RBFOX1: variants seen among roughly 807,000 people sequenced by gnomAD.
The protein encoded by RBFOX1 is RNA binding protein fox-1 homolog 1.
In RBFOX1, 8 loss-of-function variants were observed where a neutral mutation model predicts 57.7. That is an observed-to-expected ratio of 0.14 (90% confidence interval 0.08 to 0.25). RBFOX1 has a LOEUF of 0.25. Ranked by LOEUF, RBFOX1 falls within the 10% of genes least tolerant of loss-of-function variation. The pLI, the probability that RBFOX1 is intolerant of heterozygous loss-of-function variation, is 1.00. For missense variants in RBFOX1, 611 were observed against 548.5 expected (o/e 1.11, Z -1.14); for synonymous variants, 326 against 222.4 (o/e 1.47, Z -4.15).
intron 4 of RBFOX1, chr16:7,126,554 C>T (rs116980831): frequency 2.8e-4 from 59 of 212,168 alleles, no homozygotes; most frequent in East Asian, 3.4e-4. Flanking sequence ...TTTGGGCACG[C>T]GCTGGGCACA....
intron 1 of RBFOX1, among the ~76,000 whole-genome samples, chr16:6,216,222 C>G (rs1022544325): frequency 6.6e-6 from 1 of 151,930 alleles, no homozygotes; most frequent in Non-Finnish European, 1.5e-5. Context: ...TGAACAACAA[C>G]CCCCCATGAC....
At chr16:7,065,760 C>A (rs564607531) in intron 4 of RBFOX1, among the ~76,000 whole-genome samples, 1 of 152,132 alleles carries the variant, frequency 6.6e-6, no homozygotes, top group Non-Finnish European at 1.5e-5. Flanking sequence ...ACTCATTCCT[C>A]CTGTCTAAGT....
intron 1 of RBFOX1, among the ~76,000 whole-genome samples, chr16:6,182,335 A>G (rs2097069969): frequency 6.6e-6 from 1 of 152,178 alleles, no homozygotes; most frequent in Non-Finnish European, 1.5e-5. Flanking sequence ...TTGCTTCTTA[A>G]TTGACATAAA....
At chr16:6,608,133 C>A (rs2097972740) in intron 2 of RBFOX1, among the ~76,000 whole-genome samples, 1 of 152,192 alleles carries the variant, frequency 6.6e-6, no homozygotes, top group Non-Finnish European at 1.5e-5. Context: ...AATACTATTT[C>A]ATTGATTACT....
rs150331703 is a variant in RBFOX1 at position 7,080,688 on chromosome 16, G to A, written c.27+28590G>A. Among the ~76,000 whole-genome samples the A allele has an allele frequency of 2.8e-3, 420 of 152,254 alleles. 1 individual carries two copies. Among genetic ancestry groups the A allele is most frequent in the African/African-American group, 9.5e-3 (396 of 41,550 alleles). On this transcript the variant is annotated intron_variant, in intron 4 of 15. Coordinates refer to ENST00000550418, the MANE Select transcript of RBFOX1 (RefSeq NM_018723.4). ...GCCATTTTGGGATTGGCTGCCATAT[G>A]AACCCTGGGTGTTAGGGTATGCTTC...
intron 1 of RBFOX1, among the ~76,000 whole-genome samples, chr16:6,216,559 A>C (rs72776404): frequency 0.034 from 5,165 of 152,354 alleles, 125 homozygotes; most frequent in Middle Eastern, 0.061. Flanking sequence ...CACAAGCCAC[A>C]GCTTCAGCCT....
intron 4 of RBFOX1, among the ~76,000 whole-genome samples, chr16:5,885,932 G>T (rs1228235478): frequency 1.3e-5 from 2 of 152,164 alleles, no homozygotes; most frequent in Non-Finnish European, 2.9e-5. Flanking sequence ...GGAGGGTCCA[G>T]GTGGGAGGTG....
At chr16:6,971,455 C>T (rs931164598) in intron 3 of RBFOX1, among the ~76,000 whole-genome samples, 2 of 151,692 alleles carry the variant, frequency 1.3e-5, no homozygotes, top group Non-Finnish European at 2.9e-5. Flanking sequence ...GCAGGGGTCC[C>T]GCAGTGCAGA....
At chr16:6,863,764 A>C (rs1003740184) in intron 3 of RBFOX1, among the ~76,000 whole-genome samples, 2 of 90,930 alleles carry the variant, frequency 2.2e-5, no homozygotes, top group Non-Finnish European at 4.6e-5. Context: ...CCAAAACCAA[A>C]TACAACCTTA....
chr16:7,070,463 G>T (rs1315934835), intron 4 of RBFOX1, among the ~76,000 whole-genome samples: 6 of 152,244 alleles, frequency 3.9e-5, no homozygotes, highest in Non-Finnish European at 7.4e-5. Context: ...CAATTTTGTG[G>T]TGTTATTTTC....
At chr16:5,798,301 T>C (rs536445325) in intron 3 of RBFOX1, among the ~76,000 whole-genome samples, 4 of 152,332 alleles carry the variant, frequency 2.6e-5, no homozygotes, top group Admixed American at 1.3e-4. Flanking sequence ...AAACAACACA[T>C]TACGATACAG....
At chr16:6,214,577 C>G (rs1463325768) in intron 1 of RBFOX1, among the ~76,000 whole-genome samples, 1 of 49,158 alleles carries the variant, frequency 2.0e-5, no homozygotes. Flanking sequence ...GGGGGAGAGG[C>G]AAAGTGGGAG....
At chr16:7,035,644 A>G (rs2044189234) in intron 3 of RBFOX1, among the ~76,000 whole-genome samples, 1 of 152,182 alleles carries the variant, frequency 6.6e-6, no homozygotes, top group Non-Finnish European at 1.5e-5. Context: ...GAGCTCGGTC[A>G]TTACTTCCAG....
chr16:6,208,552 C>G (rs976238408), intron 1 of RBFOX1, among the ~76,000 whole-genome samples: 15 of 152,280 alleles, frequency 9.9e-5, no homozygotes, highest in Middle Eastern at 3.4e-3. Context: ...ACACAATTCT[C>G]TCCCCTTTAT....
At chr16:6,989,024 A>G (rs1426670833) in intron 3 of RBFOX1, among the ~76,000 whole-genome samples, 1 of 151,948 alleles carries the variant, frequency 6.6e-6, no homozygotes, top group Non-Finnish European at 1.5e-5. Flanking sequence ...CGGACTCCCA[A>G]AGTGCTGGGA....
intron 1 of RBFOX1, among the ~76,000 whole-genome samples, chr16:5,442,533 T>C (rs1030610764): frequency 2.0e-5 from 3 of 152,054 alleles, no homozygotes; most frequent in Non-Finnish European, 4.4e-5. Flanking sequence ...TGTCGTAAAG[T>C]GGCATGGCAG....
At chr16:6,947,926 C>G (rs1244918613) in intron 3 of RBFOX1, among the ~76,000 whole-genome samples, 1 of 151,930 alleles carries the variant, frequency 6.6e-6, no homozygotes, top group East Asian at 1.9e-4. Flanking sequence ...ACAGGCTCAA[C>G]CCACCATGCC....
At chr16:7,208,964 T>A (rs927190960) in intron 4 of RBFOX1, among the ~76,000 whole-genome samples, 5 of 152,010 alleles carry the variant, frequency 3.3e-5, no homozygotes, top group Admixed American at 2.0e-4. Context: ...CCATCTACTC[T>A]TCACTTCATC....
At chr16:5,604,791 G>C (rs1326218361), downstream of RBFOX1, among the ~76,000 whole-genome samples, 1 of 151,986 alleles carries the variant, frequency 6.6e-6, no homozygotes, top group Non-Finnish European at 1.5e-5. Flanking sequence ...GGGGCTCATG[G>C]GCCCCCCGGG....
Sources: allele counts gnomAD v4.1 joint callset (sites outside exome capture counted in the v4.1 genomes callset), GRCh38; gene constraint gnomAD v4.1.1; transcripts MANE v1.5; gene names NCBI Gene and HGNC (gene_info 2026-07-23, HGNC 2026-07-21).